Variants in RBMS3 observed in about 807,000 individuals in gnomAD.
RBMS3 encodes the protein RNA-binding motif, single-stranded-interacting protein 3.
RBMS3 carries 27 observed loss-of-function variants against 66.8 expected under a neutral mutation model. That is an observed-to-expected ratio of 0.40 (90% CI 0.30 to 0.56). RBMS3 has a LOEUF of 0.56. Ranked by LOEUF, RBMS3 falls within the 20% of genes least tolerant of loss-of-function variation. The pLI, the probability that RBMS3 is intolerant of heterozygous loss-of-function variation, is 0.40. For synonymous variants in RBMS3, 188 were observed against 183.0 expected (o/e 1.03, Z -0.22); for missense variants, 513 against 549.5 (o/e 0.93, Z 0.66).
chr3:29,735,865 T>C (rs946312993), intron 4 of RBMS3, among the ~76,000 whole-genome samples: 3 of 152,160 alleles, frequency 2.0e-5, no homozygotes, highest in African/African-American at 7.2e-5. Context: ...AGCTTCTGCT[T>C]TTTTCCATCT....
intron 4 of RBMS3, among the ~76,000 whole-genome samples, chr3:29,593,825 A>G (rs1448421045): frequency 6.6e-6 from 1 of 152,224 alleles, no homozygotes; most frequent in Admixed American, 6.5e-5. Context: ...AGTTTCATGA[A>G]GTTCACATAG....
intron 4 of RBMS3, among the ~76,000 whole-genome samples, chr3:29,700,208 G>A (rs2052493513): frequency 6.6e-6 from 1 of 152,164 alleles, no homozygotes; most frequent in Non-Finnish European, 1.5e-5. Context: ...TCTGCCAGTA[G>A]ATCTATTATA....
chr3:29,358,607 A>T (rs1286580291), intron 1 of RBMS3, among the ~76,000 whole-genome samples: 2 of 152,110 alleles, frequency 1.3e-5, no homozygotes, highest in Non-Finnish European at 2.9e-5. Flanking sequence ...CTTGATGGGG[A>T]TGGCATTGAA....
Position 29,323,685 on chromosome 3 carries a change from C to T in RBMS3, c.75+41929C>T, listed in dbSNP as rs1385274034. Among the ~76,000 whole-genome samples, 3 of 102,430 alleles carry T rather than the reference C, an allele frequency of 2.9e-5. No individual in the cohort carries two copies. In the East Asian group the frequency reaches 7.5e-4, roughly 26 times the overall value. 67.2% of individuals were successfully genotyped at this position (102,430 alleles called of 152,430 possible). ...GATATTGGACACATACAGTTACACA[C>T]ACACATACACACACACACACACACA... On this transcript the variant is annotated intron_variant, in intron 1 of 14. Transcript: ENST00000383767.
chr3:29,902,929 A>G (rs993729922), intron 10 of RBMS3, among the ~76,000 whole-genome samples: 1 of 151,932 alleles, frequency 6.6e-6, no homozygotes, highest in African/African-American at 2.4e-5. Flanking sequence ...AATGACCTTG[A>G]TCTCTTTGCT....
intron 1 of RBMS3, among the ~76,000 whole-genome samples, chr3:29,359,030 C>T (rs1337831819): frequency 6.6e-6 from 1 of 152,120 alleles, no homozygotes; most frequent in African/African-American, 2.4e-5. Context: ...TAATTGAATG[C>T]CCTTTCTTTC....
chr3:29,524,833 G>T (rs1330993696), intron 3 of RBMS3, among the ~76,000 whole-genome samples: 1 of 152,046 alleles, frequency 6.6e-6, no homozygotes. Context: ...TGGGTGGGTT[G>T]CTTGAGCCTA....
At chr3:29,480,974 A>G (rs1459143200) in intron 2 of RBMS3, among the ~76,000 whole-genome samples, 1 of 152,200 alleles carries the variant, frequency 6.6e-6, no homozygotes, top group African/African-American at 2.4e-5. Context: ...CTGAGAGGCA[A>G]CAAGTGTTGG....
intron 4 of RBMS3, among the ~76,000 whole-genome samples, chr3:29,720,106 G>GCTAGCA (rs1316866693): frequency 4.6e-5 from 7 of 151,910 alleles, no homozygotes; most frequent in African/African-American, 1.7e-4. Context: ...GCCATTACCC[G>GCTAGCA]CTAGCTCCCT....
chr3:29,338,319 A>ATG (rs1243578940), intron 1 of RBMS3, among the ~76,000 whole-genome samples: 1 of 152,188 alleles, frequency 6.6e-6, no homozygotes, highest in African/African-American at 2.4e-5. Context: ...AGCAAATAAA[A>ATG]TGTGTCATAA....
chr3:29,500,120 A>T (rs995639085), intron 3 of RBMS3, among the ~76,000 whole-genome samples: 1 of 151,206 alleles, frequency 6.6e-6, no homozygotes, highest in Non-Finnish European at 1.5e-5. Context: ...TTGTAGGCTC[A>T]TTAAAAAAAA....
At chr3:29,508,169 G>A (rs1040963546) in intron 3 of RBMS3, among the ~76,000 whole-genome samples, 3 of 152,056 alleles carry the variant, frequency 2.0e-5, no homozygotes, top group African/African-American at 7.2e-5. Flanking sequence ...GTGTACATTT[G>A]TATAATATAA....
intron 4 of RBMS3, among the ~76,000 whole-genome samples, chr3:29,655,840 G>A (rs1210331369): frequency 3.3e-5 from 5 of 151,908 alleles, no homozygotes; most frequent in Non-Finnish European, 5.9e-5. Context: ...AAGACTTCTC[G>A]TGGAGCAGGA....
chr3:29,662,699 A>G (rs1406673833), intron 4 of RBMS3, among the ~76,000 whole-genome samples: 6 of 151,928 alleles, frequency 3.9e-5, no homozygotes, highest in South Asian at 2.1e-4. Flanking sequence ...ACGTGATTCT[A>G]CTCTCTTCTT....
At chr3:29,960,864 G>A (rs1257452201) in intron 12 of RBMS3, among the ~76,000 whole-genome samples, 2 of 151,984 alleles carry the variant, frequency 1.3e-5, no homozygotes, top group Non-Finnish European at 2.9e-5. Flanking sequence ...AGGGACCCTG[G>A]GCCTGGTTCA....
chr3:29,373,334 C>T (rs1187837219), intron 1 of RBMS3, among the ~76,000 whole-genome samples: 1 of 152,160 alleles, frequency 6.6e-6, no homozygotes, highest in Admixed American at 6.5e-5. Flanking sequence ...AAGGATAATC[C>T]TCCCCCTAAA....
At chr3:29,796,686 A>G (rs935071845) in intron 6 of RBMS3, among the ~76,000 whole-genome samples, 1 of 148,218 alleles carries the variant, frequency 6.7e-6, no homozygotes, top group Non-Finnish European at 1.5e-5. Context: ...TGCATAATCA[A>G]TGAGAAGTAA....
chr3:29,897,278 C>T lies in RBMS3; in HGVS notation c.792-101C>T, dbSNP rs562673594. 261 of 1,001,844 alleles carry T rather than the reference C, an allele frequency of 2.6e-4. No homozygotes were observed. The African/African-American group carries it at 3.4e-3, about 13-fold the overall frequency. The allele number at this position is 1,001,844 out of a possible 1,614,324, so 62.1% of individuals were successfully genotyped here. A position where few individuals can be genotyped will look rare whatever the true frequency, so the allele number is the denominator to read the frequency against. On this transcript the variant is annotated intron_variant, in intron 8 of 14. Coordinates refer to ENST00000383767, the MANE Select transcript of RBMS3 (RefSeq NM_001003793.3). Reference sequence around the variant, plus strand: ...TGTTAATGGTTGGTGGAAAAACGTGCGGGTGGAAATATGTCTTTCCCATAG... The same window carrying T: ...TGTTAATGGTTGGTGGAAAAACGTGTGGGTGGAAATATGTCTTTCCCATAG...
At chr3:29,681,774 T>G (rs1015316727) in intron 4 of RBMS3, among the ~76,000 whole-genome samples, 1 of 152,232 alleles carries the variant, frequency 6.6e-6, no homozygotes, top group African/African-American at 2.4e-5. Flanking sequence ...TTTGGGTTGA[T>G]TCCATGTCTT....
Sources: allele counts gnomAD v4.1 joint callset (sites outside exome capture counted in the v4.1 genomes callset), GRCh38; gene constraint gnomAD v4.1.1; transcripts MANE v1.5; gene names NCBI Gene and HGNC (gene_info 2026-07-23, HGNC 2026-07-21).